The following C12orf42 variants were observed in gnomAD, a reference collection of about 807,000 sequenced individuals.
C12orf42 encodes uncharacterized protein C12orf42.
C12orf42 carries 25 observed loss-of-function variants against 21.6 expected under a neutral mutation model. The ratio of observed to expected loss-of-function variants is 1.16; its 90% CI spans 0.84 to 1.62. C12orf42 has a LOEUF of 1.62. C12orf42 is among the 40% of genes most tolerant of loss of function. The pLI is 0.00. For synonymous variants in C12orf42, 174 were observed against 175.0 expected, an observed-to-expected ratio of 0.99 and a Z score of 0.05; for missense variants, 483 against 459.3, an observed-to-expected ratio of 1.05 and a Z score of -0.47.
At chr12:103,469,533 A>G (rs1953420137) in intron 2 of C12orf42, among the ~76,000 whole-genome samples, 1 of 152,206 alleles carries the variant, frequency 6.6e-6, no homozygotes, top group South Asian at 2.1e-4. Flanking sequence ...TAATATCACT[A>G]TTTGTATGCA....
At chr12:103,316,473 A>G (rs2039507099) in intron 4 of C12orf42, among the ~76,000 whole-genome samples, 1 of 152,116 alleles carries the variant, frequency 6.6e-6, no homozygotes, top group Admixed American at 6.5e-5. Flanking sequence ...GAAAGGGAAA[A>G]TAATATAGGT....
At chr12:103,230,466 A>T in the C12orf42 span, among the ~76,000 whole-genome samples, 3 of 152,214 alleles carry the variant, frequency 2.0e-5, no homozygotes, top group Non-Finnish European at 4.4e-5. Flanking sequence ...GCCATAGTCT[A>T]TCACTTAGAA....
At chr12:103,122,526 A>G in the C12orf42 span, among the ~76,000 whole-genome samples, 1 of 152,176 alleles carries the variant, frequency 6.6e-6, no homozygotes, top group Non-Finnish European at 1.5e-5. Context: ...GAGTGTTGGT[A>G]TAGAGTTGCA....
At chr12:103,130,230 C>A in the C12orf42 span, among the ~76,000 whole-genome samples, 1 of 151,300 alleles carries the variant, frequency 6.6e-6, no homozygotes. Context: ...TTTACAGAGG[C>A]AAGAGGAGAG....
the C12orf42 span, among the ~76,000 whole-genome samples, chr12:103,082,068 G>C: frequency 2.0e-5 from 3 of 152,180 alleles, no homozygotes; most frequent in Non-Finnish European, 4.4e-5. Flanking sequence ...GGAAGATGGG[G>C]AATTAGTGTG....
the C12orf42 span, among the ~76,000 whole-genome samples, chr12:103,542,400 T>C: frequency 6.6e-6 from 1 of 152,226 alleles, no homozygotes; most frequent in Non-Finnish European, 1.5e-5. Flanking sequence ...GAAATCTCCA[T>C]ATTCCAGAAA....
At chr12:103,070,515 T>TACACACAC in the C12orf42 span, among the ~76,000 whole-genome samples, 600 of 120,130 alleles carry the variant, frequency 5.0e-3, 6 homozygotes, top group African/African-American at 0.015. Flanking sequence ...TACATACACA[T>TACACACAC]ACACACACAC....
chr12:103,107,460 A>C, the C12orf42 span, among the ~76,000 whole-genome samples: 1 of 151,994 alleles, frequency 6.6e-6, no homozygotes, highest in African/African-American at 2.4e-5. Flanking sequence ...AAAAAATAGA[A>C]TTATAGTTAG....
At chr12:103,439,740 T>C (rs1474256592) in intron 2 of C12orf42, among the ~76,000 whole-genome samples, 1 of 151,984 alleles carries the variant, frequency 6.6e-6, no homozygotes, top group Admixed American at 6.5e-5. Flanking sequence ...GTGGCAATCA[T>C]TAAAAAGTCA....
chr12:103,555,971 C>T, the C12orf42 span, among the ~76,000 whole-genome samples: 1 of 152,174 alleles, frequency 6.6e-6, no homozygotes, highest in East Asian at 1.9e-4. Flanking sequence ...CAAAAAGACA[C>T]AGATAGAGCA....
At chr12:103,283,257 A>C (rs890394685) in intron 4 of C12orf42, among the ~76,000 whole-genome samples, 2 of 152,194 alleles carry the variant, frequency 1.3e-5, no homozygotes, top group East Asian at 3.8e-4. Context: ...AAGTCAGTGA[A>C]TGGTATCTGT....
intron 2 of C12orf42, among the ~76,000 whole-genome samples, chr12:103,418,592 T>C (rs1440419961): frequency 6.6e-6 from 1 of 152,130 alleles, no homozygotes; most frequent in African/African-American, 2.4e-5. Context: ...GATGCTTTAA[T>C]GCTTTCTTCA....
chr12:103,144,098 G>A, the C12orf42 span, among the ~76,000 whole-genome samples: 4 of 152,236 alleles, frequency 2.6e-5, no homozygotes, highest in South Asian at 2.1e-4. Flanking sequence ...TTCCAGGTCT[G>A]AAAGAAAATA....
At chr12:103,497,628 C>T (rs141117461), upstream of C12orf42, among the ~76,000 whole-genome samples, 568 of 152,280 alleles carry the variant, frequency 3.7e-3, 2 homozygotes, top group South Asian at 9.5e-3. Flanking sequence ...AATGAGAACT[C>T]TTCATCAATT....
the C12orf42 span, among the ~76,000 whole-genome samples, chr12:103,089,290 C>T: frequency 6.6e-6 from 1 of 152,020 alleles, no homozygotes; most frequent in Non-Finnish European, 1.5e-5. Flanking sequence ...CTGGCCTAAA[C>T]AAATGGTGAG....
intron 3 of C12orf42, among the ~76,000 whole-genome samples, chr12:103,377,957 G>A (rs940785517): frequency 6.6e-6 from 1 of 152,134 alleles, no homozygotes; most frequent in Admixed American, 6.6e-5. Flanking sequence ...TTATCCTTGT[G>A]TGTGAATGCA....
the C12orf42 span, among the ~76,000 whole-genome samples, chr12:103,223,249 G>T: frequency 3.9e-5 from 6 of 152,112 alleles, no homozygotes; most frequent in Non-Finnish European, 8.8e-5. Flanking sequence ...GCTTCAAGTG[G>T]GATTAGGGGC....
At chr12:103,059,140 G>A in the C12orf42 span, among the ~76,000 whole-genome samples, 1 of 151,918 alleles carries the variant, frequency 6.6e-6, no homozygotes, top group Non-Finnish European at 1.5e-5. Context: ...ATGATAAAGG[G>A]GATATCACCA....
At chr12:103,363,963 A>G (rs1352193296) in intron 4 of C12orf42, among the ~76,000 whole-genome samples, 1 of 152,090 alleles carries the variant, frequency 6.6e-6, no homozygotes, top group Non-Finnish European at 1.5e-5. Context: ...CAAAGAAACA[A>G]TGGATTTAAA....
Sources: allele counts gnomAD v4.1 joint callset (sites outside exome capture counted in the v4.1 genomes callset), GRCh38; gene constraint gnomAD v4.1.1; transcripts MANE v1.5; gene names NCBI Gene and HGNC (gene_info 2026-07-23, HGNC 2026-07-21).